The following ZNF329 variants were observed in gnomAD, a reference collection of about 807,000 sequenced individuals.
ZNF329 encodes zinc finger protein 329.
Under a neutral mutation model 26.6 loss-of-function variants are expected in ZNF329, and 15 were observed. That is an observed-to-expected ratio of 0.56 (90% CI 0.38 to 0.87). The LOEUF is 0.87. Among genes scored for constraint, ZNF329 ranks in the 40% least tolerant of loss-of-function variants. The pLI is 0.00. For synonymous variants in ZNF329, 239 were observed against 233.5 expected, an observed-to-expected ratio of 1.02 and a Z score of -0.21; for missense variants, 651 against 651.9, an observed-to-expected ratio of 1.00 and a Z score of 0.02.
Position 58,127,890 on chromosome 19 carries a change from G to A in ZNF329, c.1614C>T (p.Pro538=), listed in dbSNP as rs2074834969. 3 of 1,589,808 alleles carry A rather than the reference G, an allele frequency of 1.9e-6. No homozygotes were observed. In the Admixed American group the frequency reaches 5.2e-5, roughly 28 times the overall value. ...TGGCCCCCAACCATTATGTTTCCAT[G>A]GGTTGCTCTCCCAGGTGTGCTCTTT... ...RHQRAHLGEQ[P]MET Residue 538 remains proline, a synonymous_variant, in exon 4 of 4, where the codon CCC becomes CCT. Coordinates refer to ENST00000598312, the MANE Select transcript of ZNF329 (RefSeq NM_024620.4).
intron 3 of ZNF329, among the ~76,000 whole-genome samples, chr19:58,142,059 AAAAAT>A (rs1286513666): frequency 6.6e-6 from 1 of 152,152 alleles, no homozygotes; most frequent in East Asian, 1.9e-4. Flanking sequence ...ACTACATCTC[AAAAAT>A]AAAATAAAAT....
chr19:58,128,187 G>A lies in ZNF329; in HGVS notation c.1317C>T (p.Ile439=), dbSNP rs367954465. 2.5e-5 allele frequency: 40 copies of A among 1,587,098 alleles called. No individual in the cohort carries two copies. The highest frequency in any genetic ancestry group is 7.0e-5 in the South Asian group (6 of 85,792). ...CNQCQKLFRN[I]AGLIRHQRTH... ...TCCTCTGGTGCCTAATGAGGCCAGC[G>A]ATATTCCTGAAAAGTTTCTGACACT... Residue 439 remains isoleucine, a synonymous_variant, in exon 4 of 4, where the codon ATC becomes ATT. Coordinates refer to ENST00000598312, the MANE Select transcript of ZNF329 (RefSeq NM_024620.4).
upstream of ZNF329, among the ~76,000 whole-genome samples, chr19:58,151,527 G>A (rs1411482042): frequency 6.6e-6 from 1 of 151,674 alleles, no homozygotes; most frequent in Non-Finnish European, 1.5e-5. Flanking sequence ...CTTGAACCTG[G>A]GAGGCGGAGG....
At chr19:58,132,042 A>AG (rs1491574808) in intron 3 of ZNF329, among the ~76,000 whole-genome samples, 7 of 151,516 alleles carry the variant, frequency 4.6e-5, no homozygotes, top group African/African-American at 7.3e-5. Flanking sequence ...AAAAAAAGAA[A>AG]GAAAAAAAAG....
chr19:58,131,613 A>C (rs994470364), intron 3 of ZNF329, among the ~76,000 whole-genome samples: 8 of 152,180 alleles, frequency 5.3e-5, no homozygotes, highest in Admixed American at 5.2e-4. Flanking sequence ...ATAAGATTTA[A>C]AAGCACAAAG....
chr19:58,129,227 C>A lies in ZNF329; in HGVS notation c.277G>T (p.Ala93Ser). ...AGACCACTAACATTTGAGTCAGGTG[C>A]ATGGAAACCATTTGTTGCCAGAACT... is the stretch of plus-strand genomic sequence containing the variant. The part of the protein sequence containing the change: ...QRVLATNGFH[A>S]PDSNVSGLDC... Residue 93 changes from alanine to serine, a missense_variant, in exon 4 of 4, where the codon GCA becomes TCA. Transcript: ENST00000598312. 3 of 1,614,206 alleles carry A rather than the reference C, an allele frequency of 1.9e-6. No individual in the cohort carries two copies. The highest frequency in any genetic ancestry group is 2.5e-6 in the Non-Finnish European group (3 of 1,180,042).
intron 3 of ZNF329, among the ~76,000 whole-genome samples, chr19:58,140,215 A>C (rs2075153287): frequency 6.6e-6 from 1 of 152,094 alleles, no homozygotes; most frequent in African/African-American, 2.4e-5. Context: ...TTCTGGGGGA[A>C]ATGAATTAGT....
rs1401460493 is a variant in ZNF329 at position 58,147,754 on chromosome 19, G to A, written c.-208+2998C>T. On this transcript the variant is annotated intron_variant, in intron 1 of 3. Coordinates refer to ENST00000598312, the MANE Select transcript of ZNF329 (RefSeq NM_024620.4). ...GACCCTCTGCCCGGCCAGCCGCCCC[G>A]TCCGGGAGGGAGGTGGGGGGGGTCA... 9.0e-5 allele frequency among the ~76,000 whole-genome samples: 10 copies of A among 111,250 alleles called. 1 individual carries two copies. Among genetic ancestry groups the A allele is most frequent in the South Asian group, 3.2e-4 (1 of 3,164 alleles). 73.0% of individuals were successfully genotyped at this position (111,250 alleles called of 152,430 possible).
chr19:58,153,750 C>A (rs2075497278), upstream of ZNF329, among the ~76,000 whole-genome samples: 1 of 152,012 alleles, frequency 6.6e-6, no homozygotes, highest in Admixed American at 6.6e-5. Context: ...GCTTTGCTGT[C>A]CAGGATGTAG....
At chr19:58,137,006 T>G (rs1207423144) in intron 3 of ZNF329, 2 of 190,978 alleles carry the variant, frequency 1.0e-5, no homozygotes, top group Admixed American at 9.4e-5. Flanking sequence ...ATTCCACCAC[T>G]AGAAAGAAGA....
At chr19:58,150,468 G>A (rs1457476997) in intron 1 of ZNF329, among the ~76,000 whole-genome samples, 1 of 152,238 alleles carries the variant, frequency 6.6e-6, no homozygotes, top group Admixed American at 6.5e-5. Context: ...GGAACTCACG[G>A]GTGACGCTAA....
chr19:58,131,088 A>G (rs1352017693), intron 3 of ZNF329, among the ~76,000 whole-genome samples: 2 of 151,376 alleles, frequency 1.3e-5, no homozygotes, highest in Non-Finnish European at 2.9e-5. Flanking sequence ...CATTCTAGGC[A>G]ATTTAAATAT....
upstream of ZNF329, chr19:58,154,895 C>G (rs1437393127): frequency 6.6e-6 from 1 of 152,408 alleles, no homozygotes; most frequent in Non-Finnish European, 1.5e-5. Flanking sequence ...AGACGCGGAG[C>G]CCACAGGAGT....
At chr19:58,143,300 A>C (rs1233770369) in intron 1 of ZNF329, 102 bp from the exon 2 acceptor site, 1 of 147,678 alleles carries the variant, frequency 6.8e-6, no homozygotes, top group Non-Finnish European at 1.5e-5. Flanking sequence ...GCATTTGAGT[A>C]AGAGAGGAGC....
intron 3 of ZNF329, among the ~76,000 whole-genome samples, chr19:58,130,598 C>T (rs990066299): frequency 7.1e-5 from 10 of 140,832 alleles, no homozygotes; most frequent in Admixed American, 3.1e-4. Flanking sequence ...GGCGCGAACC[C>T]GGGAGGCGGA....
At position 58,129,457 on chromosome 19, in the gene ZNF329, G is replaced by A; in HGVS notation, c.47C>T (p.Pro16Leu). 6.2e-7 allele frequency: 1 copy of A among 1,603,328 alleles called. No individual in the cohort carries two copies. The highest frequency in any genetic ancestry group is 8.5e-7 in the Non-Finnish European group (1 of 1,175,488). Residue 16 changes from proline (P) to leucine (L), a missense_variant, in exon 4 of 4, where the codon CCC becomes CTC. Pro to Leu is a moderately conservative substitution (Grantham distance 98, BLOSUM62 -3). Coordinates refer to ENST00000598312, the MANE Select transcript of ZNF329 (RefSeq NM_024620.4). ...GAATCTTTCCACTTCTACATCACAG[G>A]GTACTTCTCTCTCAGGAAAATTCCG... is the stretch of plus-strand genomic sequence containing the variant. ...TTRNFPEREV[P>L]CDVEVERFTR...
rs1395761129 is a variant in ZNF329 at position 58,128,238 on chromosome 19, A to G, written c.1266T>C (p.Thr422=). 1.3e-6 allele frequency: 2 copies of G among 1,595,228 alleles called. No homozygotes were observed. The highest frequency in any genetic ancestry group is 2.2e-5 in the East Asian group (1 of 44,678). The change falls in exon 4 of 4, where the codon ACT becomes ACC. Residue 422 remains threonine, a synonymous_variant. Coordinates refer to ENST00000598312, the MANE Select transcript of ZNF329 (RefSeq NM_024620.4). The stretch of plus-strand genomic sequence containing the variant: ...GGTTGCAGCCATAGGGCTTCTCGCC[A>G]GTATGAATCCTCTGATGCCTGATGA... The part of the protein sequence containing the change: ...AYLIRHQRIH[T]GEKPYGCNQC...
At chr19:58,153,611 A>G (rs967986153), upstream of ZNF329, among the ~76,000 whole-genome samples, 2 of 152,212 alleles carry the variant, frequency 1.3e-5, no homozygotes, top group Non-Finnish European at 2.9e-5. Context: ...CACTGAGGCC[A>G]TTGTTTGCCA....
chr19:58,136,763 A>G (rs1424889039), intron 3 of ZNF329: 2 of 152,698 alleles, frequency 1.3e-5, no homozygotes, highest in African/African-American at 4.8e-5. Context: ...CAGCAAGTCA[A>G]CAGCCATGGT....
Sources: allele counts gnomAD v4.1 joint callset (sites outside exome capture counted in the v4.1 genomes callset), GRCh38; gene constraint gnomAD v4.1.1; transcripts MANE v1.5; gene names NCBI Gene and HGNC (gene_info 2026-07-23, HGNC 2026-07-21).